Variants in RUFY2 observed in about 807,000 individuals in gnomAD.
RUFY2 encodes the protein RUN and FYVE domain-containing protein 2.
In RUFY2, 49 loss-of-function variants were observed where a neutral mutation model predicts 94.4. The observed-to-expected ratio is 0.52, with a 90% CI of 0.41 to 0.66. The LOEUF is 0.66. Among genes scored for constraint, RUFY2 ranks in the 30% least tolerant of loss-of-function variants. The pLI is 0.00. For synonymous variants in RUFY2, 255 were observed against 235.7 expected, an observed-to-expected ratio of 1.08 and a Z score of -0.75; for missense variants, 541 against 692.8, an observed-to-expected ratio of 0.78 and a Z score of 2.46.
At chr10:68,342,301 G>A (rs952697159), downstream of RUFY2, 43 of 393,800 alleles carry the variant, frequency 1.1e-4, no homozygotes, top group African/African-American at 8.6e-4. Flanking sequence ...TTATATACTA[G>A]TTACTCCTAA....
intron 3 of RUFY2, among the ~76,000 whole-genome samples, chr10:68,397,401 T>G (rs2050468064): frequency 6.6e-6 from 1 of 152,018 alleles, no homozygotes; most frequent in African/African-American, 2.4e-5. Context: ...TAATGAAATG[T>G]TATGCAGCCC....
At chr10:68,371,265 C>CA (rs887093043) in intron 13 of RUFY2, among the ~76,000 whole-genome samples, 11 of 150,728 alleles carry the variant, frequency 7.3e-5, no homozygotes, top group African/African-American at 2.4e-4. Flanking sequence ...ACTAAAAATA[C>CA]AAAAAAATTA....
rs192608421 is a variant in RUFY2, at chr10:68,407,125, G to C, written c.4+61C>G. ...CCCCAGCTCCCAGTCCACCCCGCCT[G>C]GCCGCGGCCCTCAGCCCGGGACTGA... is the stretch of plus-strand genomic sequence containing the variant. On this transcript the variant is annotated intron_variant, in intron 1 of 17. Transcript: ENST00000602465. The C allele has an allele frequency of 1.7e-3, 2,650 of 1,515,284 alleles. 36 individuals are homozygous for C. In the African/African-American group the frequency reaches 0.032, roughly 18 times the overall value. 93.9% of individuals were successfully genotyped at this position (1,515,284 alleles called of 1,614,324 possible).
intron 1 of RUFY2, among the ~76,000 whole-genome samples, chr10:68,405,266 T>C (rs1345275054): frequency 7.1e-6 from 1 of 140,804 alleles, no homozygotes; most frequent in African/African-American, 2.7e-5. Flanking sequence ...TGAGCTGAGA[T>C]AGCGCCACTG....
chr10:68,364,640 A>T (rs1345199316), intron 13 of RUFY2, among the ~76,000 whole-genome samples: 1 of 152,178 alleles, frequency 6.6e-6, no homozygotes, highest in African/African-American at 2.4e-5. Flanking sequence ...CAATTACAGG[A>T]AAGACCTAAA....
Position 68,343,687 on chromosome 10 carries a change from T to C in RUFY2, c.*2081A>G, listed in dbSNP as rs1409023198. On this transcript the variant is annotated 3_prime_UTR_variant, in exon 18 of 18. Coordinates refer to ENST00000602465, the MANE Select transcript of RUFY2 (RefSeq NM_001330103.2). Reference sequence around the variant, plus strand: ...GTCTGTTTTTGAAAAGTAAAATGAATACGAGTTCACAATCACGAAATACAG... The same window carrying C: ...GTCTGTTTTTGAAAAGTAAAATGAACACGAGTTCACAATCACGAAATACAG... 2 of 151,966 alleles carry C rather than the reference T, an allele frequency of 1.3e-5. No homozygotes were observed. The highest frequency in any genetic ancestry group is 2.9e-5 in the Non-Finnish European group (2 of 67,972). 9.4% of individuals were successfully genotyped at this position (151,966 alleles called of 1,614,324 possible). A position where few individuals can be genotyped will look rare whatever the true frequency, so the allele number is the denominator to read the frequency against.
chr10:68,345,872 A>G lies in RUFY2; in HGVS notation c.1717T>C (p.Cys573Arg). The G allele has an allele frequency of 6.2e-7, 1 of 1,614,204 alleles. No homozygotes were observed. Among genetic ancestry groups the G allele is most frequent in the Non-Finnish European group, 8.5e-7 (1 of 1,180,030 alleles). Reference protein sequence around the residue: ...RNCGEIFCNACSDNELPLPSS... With the variant: ...RNCGEIFCNARSDNELPLPSS... ...GGCAAAGGTAGTTCGTTGTCAGAGC[A>G]GGCATTACAGAAAATTTCCCCACAA... Residue 573 changes from cysteine (C) to arginine (R), a missense_variant, in exon 18 of 18, where the codon TGC becomes CGC. This residue lies in a region of RUFY2 where 403 missense variants were observed against 480.7 expected (regional missense o/e 0.84). Coordinates refer to ENST00000602465, the MANE Select transcript of RUFY2 (RefSeq NM_001330103.2).
intron 12 of RUFY2, chr10:68,378,295 A>G: frequency 1.7e-6 from 2 of 1,149,424 alleles, no homozygotes; most frequent in Admixed American, 4.6e-5. Context: ...AGCTAAAAAG[A>G]TAAAACTGCA....
rs1202728480 is a variant in RUFY2, at chr10:68,344,831, A to G, written c.*937T>C. The G allele has an allele frequency of 6.6e-6, 1 of 152,258 alleles. No homozygotes were observed. Among genetic ancestry groups the G allele is most frequent in the Admixed American group, 6.5e-5 (1 of 15,288 alleles). 9.4% of individuals were successfully genotyped at this position (152,258 alleles called of 1,614,324 possible). A position where few individuals can be genotyped will look rare whatever the true frequency, so the allele number is the denominator to read the frequency against. ...TACTTCCTAAAATTTACTCCAATGA[A>G]AATGTTAATACAAAATTTTTTGAAC... On this transcript the variant is annotated 3_prime_UTR_variant, in exon 18 of 18. Coordinates refer to ENST00000602465, the MANE Select transcript of RUFY2 (RefSeq NM_001330103.2).
intron 13 of RUFY2, among the ~76,000 whole-genome samples, chr10:68,373,920 C>T (rs1309297996): frequency 2.0e-5 from 3 of 151,812 alleles, no homozygotes; most frequent in Non-Finnish European, 4.4e-5. Flanking sequence ...GTGTGGGCAA[C>T]ATACCAAGAC....
intron 2 of RUFY2, among the ~76,000 whole-genome samples, chr10:68,403,933 C>G (rs966102008): frequency 3.9e-5 from 6 of 151,964 alleles, no homozygotes; most frequent in Admixed American, 3.3e-4. Context: ...GCTGGGACCA[C>G]AGGCATATGC....
At chr10:68,401,220 C>T (rs1190770328) in intron 3 of RUFY2, among the ~76,000 whole-genome samples, 1 of 152,182 alleles carries the variant, frequency 6.6e-6, no homozygotes, top group Middle Eastern at 3.2e-3. Flanking sequence ...ATACAACTGG[C>T]TTATCTGAGA....
intron 7 of RUFY2, among the ~76,000 whole-genome samples, chr10:68,389,114 T>C (rs1423762531): frequency 6.6e-6 from 1 of 152,092 alleles, no homozygotes; most frequent in Non-Finnish European, 1.5e-5. Context: ...TTGCCCAGGC[T>C]GGTCTCAGAC....
Position 68,345,917 on chromosome 10 carries a change from A to C in RUFY2, c.1678-6T>G, listed in dbSNP as rs1256996868. ...CCACAATTTCTACAGTGGTGCTATT[A>C]AACAGAAAAATCAGAGGGAAAAAAA... On this transcript the variant is annotated splice_region_variant and splice_polypyrimidine_tract_variant and intron_variant, in intron 17 of 17. Transcript: ENST00000602465. The C allele has an allele frequency of 6.2e-7, 1 of 1,613,034 alleles. No homozygotes were observed. The highest frequency in any genetic ancestry group is 1.1e-5 in the South Asian group (1 of 90,646).
chr10:68,367,075 T>C (rs1589837438), intron 13 of RUFY2, among the ~76,000 whole-genome samples: 1 of 150,298 alleles, frequency 6.7e-6, no homozygotes, highest in Admixed American at 6.7e-5. Context: ...GGCTGAGGCA[T>C]GAGAATTGCT....
Position 68,393,970 on chromosome 10 carries a change from GA to G in RUFY2, c.584+104del, listed in dbSNP as rs2050190484. On this transcript the variant is annotated intron_variant, in intron 6 of 17. Coordinates refer to ENST00000602465, the MANE Select transcript of RUFY2 (RefSeq NM_001330103.2). ...AATGAAATGAAGAAGTCACAGGGGG[GA>G]AAACAACAAAATAAAACCACACTGT... 3 of 1,421,772 alleles carry G rather than the reference GA, an allele frequency of 2.1e-6. No individual in the cohort carries two copies. The East Asian group carries it at 8.9e-5, about 42-fold the overall frequency. 88.1% of individuals were successfully genotyped at this position (1,421,772 alleles called of 1,614,324 possible). A position where few individuals can be genotyped will look rare whatever the true frequency, so the allele number is the denominator to read the frequency against.
intron 13 of RUFY2, among the ~76,000 whole-genome samples, chr10:68,367,414 A>G (rs1198207701): frequency 6.6e-6 from 1 of 152,074 alleles, no homozygotes. Flanking sequence ...ACTTAAAATT[A>G]AGAGGAATTA....
intron 12 of RUFY2, 108 bp downstream of exon 12, chr10:68,379,316 T>C: frequency 1.2e-6 from 1 of 806,782 alleles, no homozygotes; most frequent in South Asian, 2.0e-5. Context: ...ACAAAAAACA[T>C]GTCCTAATCT....
chr10:68,366,197 C>T (rs920407018), intron 13 of RUFY2, among the ~76,000 whole-genome samples: 2 of 151,006 alleles, frequency 1.3e-5, no homozygotes, highest in Non-Finnish European at 1.5e-5. Flanking sequence ...TGTGCTGGTG[C>T]CCACCCATAA....
Sources: gnomAD v4.1 joint callset for allele counts (sites outside exome capture counted in the v4.1 genomes callset) on GRCh38, gnomAD v4.1.1 for gene constraint, gnomAD v4.1.1 regional missense constraint, MANE v1.5 for transcripts, NCBI Gene and HGNC (gene_info 2026-07-23, HGNC 2026-07-21) for gene names.